The following STXBP5L variants were observed in gnomAD, a reference collection of about 807,000 sequenced individuals.
STXBP5L encodes the protein syntaxin-binding protein 5-like.
STXBP5L carries 65 observed loss-of-function variants against 144.5 expected under a neutral mutation model. That is an observed-to-expected ratio of 0.45 (90% CI 0.37 to 0.55). The LOEUF (loss-of-function observed/expected upper bound fraction) is 0.55. STXBP5L is among the 20% of genes least tolerant of loss of function. The probability of loss-of-function intolerance (pLI) is 0.00; values close to 1 mark genes in which losing one functional copy is unlikely to be tolerated. For missense variants in STXBP5L, 1,298 were observed against 1,405.5 expected (o/e 0.92, Z 1.22); for synonymous variants, 505 against 469.6 (o/e 1.08, Z -0.97).
chr3:121,150,178 A>G (rs2045882357), intron 7 of STXBP5L, among the ~76,000 whole-genome samples: 2 of 152,128 alleles, frequency 1.3e-5, no homozygotes, highest in South Asian at 4.1e-4. Flanking sequence ...TTTGTTATTC[A>G]CCAAATACCT....
intron 15 of STXBP5L, among the ~76,000 whole-genome samples, chr3:121,252,919 G>A (rs1306322776): frequency 6.6e-6 from 1 of 152,066 alleles, no homozygotes; most frequent in African/African-American, 2.4e-5. Flanking sequence ...TCATTTTCTT[G>A]CACATTCAGA....
chr3:121,269,425 G>GTATA (rs369816475), intron 18 of STXBP5L, among the ~76,000 whole-genome samples: 1 of 150,562 alleles, frequency 6.6e-6, no homozygotes, highest in African/African-American at 2.4e-5. Context: ...GTGTGTGTGT[G>GTATA]TATATATATA....
At chr3:121,358,437 G>A (rs571431547) in intron 20 of STXBP5L, among the ~76,000 whole-genome samples, 8 of 152,272 alleles carry the variant, frequency 5.3e-5, no homozygotes, top group South Asian at 4.1e-4. Flanking sequence ...AAGGGGAAGC[G>A]AGGCATGTCT....
chr3:120,943,923 T>C (rs1239312285), intron 2 of STXBP5L, among the ~76,000 whole-genome samples: 1 of 151,450 alleles, frequency 6.6e-6, no homozygotes, highest in Admixed American at 6.6e-5. Flanking sequence ...TGTTTGAATA[T>C]ATGTATCTGA....
At chr3:121,352,946 G>T (rs1560010567) in intron 20 of STXBP5L, among the ~76,000 whole-genome samples, 1 of 152,054 alleles carries the variant, frequency 6.6e-6, no homozygotes, top group Non-Finnish European at 1.5e-5. Flanking sequence ...TAATCATGTG[G>T]TTTTTGTCAT....
At chr3:121,059,077 A>G (rs1434323043) in intron 5 of STXBP5L, among the ~76,000 whole-genome samples, 2 of 151,822 alleles carry the variant, frequency 1.3e-5, no homozygotes, top group African/African-American at 4.8e-5. Flanking sequence ...TATTGCCTAG[A>G]TTTTCTTCTA....
chr3:121,226,014 T>G (rs368876818), intron 11 of STXBP5L, among the ~76,000 whole-genome samples: 1 of 152,146 alleles, frequency 6.6e-6, no homozygotes, highest in Non-Finnish European at 1.5e-5. Flanking sequence ...ACTGATATCC[T>G]TGAGAGACAG....
chr3:121,081,884 A>G (rs1160671419), intron 5 of STXBP5L, among the ~76,000 whole-genome samples: 1 of 152,234 alleles, frequency 6.6e-6, no homozygotes, highest in African/African-American at 2.4e-5. Flanking sequence ...TATCAGCCTC[A>G]CAGCCTTACT....
chr3:121,361,345 A>T (rs1427834228), intron 20 of STXBP5L, among the ~76,000 whole-genome samples: 1 of 152,070 alleles, frequency 6.6e-6, no homozygotes, highest in Admixed American at 6.6e-5. Flanking sequence ...TAGGTTTGGG[A>T]AGCTCTCTGT....
intron 18 of STXBP5L, among the ~76,000 whole-genome samples, chr3:121,276,067 T>TC (rs1480956125): frequency 6.6e-6 from 1 of 151,388 alleles, no homozygotes; most frequent in Non-Finnish European, 1.5e-5. Context: ...GTCCCCCCAC[T>TC]CCCCCTTTTT....
intron 3 of STXBP5L, among the ~76,000 whole-genome samples, chr3:120,979,178 C>T (rs994625152): frequency 3.3e-5 from 5 of 152,214 alleles, no homozygotes; most frequent in Admixed American, 1.3e-4. Flanking sequence ...GGCAGGCCTC[C>T]TTGAGCTGTG....
rs371122182 is a variant in STXBP5L at position 121,077,676 on chromosome 3, G to A, written c.470+32141G>A. ...TGATTGGTCCATTTTACAGAGAGCCGAGTGGTCTGTTTTGACCGGGTGCTG... is the reference window on the plus strand; with the variant it reads ...TGATTGGTCCATTTTACAGAGAGCCAAGTGGTCTGTTTTGACCGGGTGCTG... On this transcript the variant is annotated intron_variant, in intron 5 of 26. Transcript: ENST00000471454. Among the ~76,000 whole-genome samples the A allele has an allele frequency of 1.1e-3, 172 of 152,266 alleles. 1 individual carries two copies. The South Asian group carries it at 0.012, about 11-fold the overall frequency.
intron 3 of STXBP5L, among the ~76,000 whole-genome samples, chr3:120,964,027 C>T (rs536850617): frequency 6.6e-6 from 1 of 152,100 alleles, no homozygotes; most frequent in Non-Finnish European, 1.5e-5. Context: ...AGGAATTTAT[C>T]CATTTCTTCT....
intron 3 of STXBP5L, among the ~76,000 whole-genome samples, chr3:120,993,804 A>G (rs1943121755): frequency 6.6e-6 from 1 of 151,816 alleles, no homozygotes; most frequent in Non-Finnish European, 1.5e-5. Context: ...TTCCATATAA[A>G]TTTTAGGATT....
intron 22 of STXBP5L, among the ~76,000 whole-genome samples, chr3:121,398,643 T>C (rs1478656226): frequency 6.6e-6 from 1 of 152,182 alleles, no homozygotes; most frequent in Non-Finnish European, 1.5e-5. Context: ...TGACCATGCT[T>C]CCCACAGTTA....
intron 7 of STXBP5L, among the ~76,000 whole-genome samples, chr3:121,145,539 CT>C (rs1157643723): frequency 1.3e-5 from 2 of 151,906 alleles, no homozygotes; most frequent in African/African-American, 4.8e-5. Context: ...AACATCAAAT[CT>C]TACTAAGGAA....
chr3:121,051,352 C>G (rs1329112787), intron 5 of STXBP5L, among the ~76,000 whole-genome samples: 1 of 152,116 alleles, frequency 6.6e-6, no homozygotes, highest in Non-Finnish European at 1.5e-5. Flanking sequence ...CTCTCCTCAG[C>G]AAATGTAAAA....
intron 3 of STXBP5L, among the ~76,000 whole-genome samples, chr3:121,036,792 T>TA (rs60561333): frequency 8.6e-6 from 1 of 116,066 alleles, no homozygotes; most frequent in Non-Finnish European, 1.7e-5. Flanking sequence ...TTTTTTTTTT[T>TA]ATTATACTCT....
intron 7 of STXBP5L, among the ~76,000 whole-genome samples, chr3:121,147,740 A>G (rs1050952749): frequency 2.6e-5 from 4 of 152,182 alleles, no homozygotes; most frequent in Non-Finnish European, 5.9e-5. Context: ...GACTGAGTGA[A>G]GCAGGTTGCC....
Sources: gnomAD v4.1 joint callset for allele counts (sites outside exome capture counted in the v4.1 genomes callset) on GRCh38, gnomAD v4.1.1 for gene constraint, MANE v1.5 for transcripts, NCBI Gene and HGNC (gene_info 2026-07-23, HGNC 2026-07-21) for gene names.